The following SLC44A5 variants were observed in gnomAD, a reference collection of about 807,000 sequenced individuals.
SLC44A5 encodes the protein choline transporter-like protein 5.
Under a neutral mutation model 101.8 loss-of-function variants are expected in SLC44A5, and 57 were observed. The observed-to-expected ratio is 0.56, with a 90% CI of 0.45 to 0.70. The LOEUF is 0.70. Among genes scored for constraint, SLC44A5 ranks in the 30% least tolerant of loss-of-function variants. SLC44A5 has a pLI of 0.00. For missense variants in SLC44A5, 737 were observed against 853.1 expected (o/e 0.86, Z 1.70); for synonymous variants, 281 against 290.9 (o/e 0.97, Z 0.35).
intron 4 of SLC44A5, among the ~76,000 whole-genome samples, chr1:75,310,675 C>T (rs907151822): frequency 2.0e-5 from 3 of 152,114 alleles, no homozygotes; most frequent in Non-Finnish European, 4.4e-5. Flanking sequence ...AATTTCAAGT[C>T]AACCCAAATG....
intron 3 of SLC44A5, among the ~76,000 whole-genome samples, chr1:75,370,640 G>T (rs976570655): frequency 1.7e-4 from 26 of 152,162 alleles, no homozygotes; most frequent in African/African-American, 6.0e-4. Flanking sequence ...TATACTGGTT[G>T]TACTCAAAAC....
chr1:75,387,139 C>A (rs1661417474), intron 3 of SLC44A5, among the ~76,000 whole-genome samples: 1 of 152,124 alleles, frequency 6.6e-6, no homozygotes, highest in African/African-American at 2.4e-5. Flanking sequence ...CCATTCAGGA[C>A]ATAGGCTTGT....
chr1:75,493,669 G>A (rs1668534039), intron 2 of SLC44A5, among the ~76,000 whole-genome samples: 1 of 152,054 alleles, frequency 6.6e-6, no homozygotes, highest in African/African-American at 2.4e-5. Flanking sequence ...CTGTCATCAG[G>A]AATAAAGATA....
chr1:75,299,266 T>A (rs1654229444), intron 5 of SLC44A5, among the ~76,000 whole-genome samples: 1 of 152,234 alleles, frequency 6.6e-6, no homozygotes, highest in Non-Finnish European at 1.5e-5. Flanking sequence ...TATTTAGCTT[T>A]GTGATTTATG....
upstream of SLC44A5, among the ~76,000 whole-genome samples, chr1:75,613,554 T>A (rs561297854): frequency 6.6e-6 from 1 of 152,348 alleles, no homozygotes; most frequent in African/African-American, 2.4e-5. Flanking sequence ...AAATACTAAA[T>A]GAACTTGTTT....
intron 2 of SLC44A5, among the ~76,000 whole-genome samples, chr1:75,454,884 G>T (rs557120665): frequency 6.6e-6 from 1 of 151,854 alleles, no homozygotes; most frequent in South Asian, 2.1e-4. Context: ...AAATCATAGA[G>T]ATATGATGCA....
At chr1:75,313,578 G>A (rs916505551) in intron 4 of SLC44A5, among the ~76,000 whole-genome samples, 1 of 152,132 alleles carries the variant, frequency 6.6e-6, no homozygotes, top group African/African-American at 2.4e-5. Context: ...CCTGGATGTG[G>A]ACTGTCCATT....
At chr1:75,297,810 C>A (rs2100850064) in intron 5 of SLC44A5, among the ~76,000 whole-genome samples, 1 of 152,304 alleles carries the variant, frequency 6.6e-6, no homozygotes, top group Admixed American at 6.5e-5. Flanking sequence ...CCAGACGCCA[C>A]TTCATCCACT....
At chr1:75,361,710 T>G (rs1418007756) in intron 3 of SLC44A5, among the ~76,000 whole-genome samples, 2 of 152,154 alleles carry the variant, frequency 1.3e-5, no homozygotes, top group Non-Finnish European at 2.9e-5. Context: ...TTGATCATGA[T>G]GCATAATTGT....
chr1:75,392,895 G>A (rs919009711), intron 3 of SLC44A5, among the ~76,000 whole-genome samples: 1 of 152,142 alleles, frequency 6.6e-6, no homozygotes, highest in Non-Finnish European at 1.5e-5. Context: ...GTTAATTGAT[G>A]CAGAAATAGA....
At chr1:75,680,846 A>G in the SLC44A5 span, among the ~76,000 whole-genome samples, 1 of 151,812 alleles carries the variant, frequency 6.6e-6, no homozygotes, top group Non-Finnish European at 1.5e-5. Context: ...AAGGATCAAC[A>G]AAATTGATAG....
intron 5 of SLC44A5, among the ~76,000 whole-genome samples, chr1:75,283,506 C>T (rs940233959): frequency 1.3e-5 from 2 of 151,770 alleles, no homozygotes; most frequent in African/African-American, 2.4e-5. Context: ...TAGTTAAGTC[C>T]CATCAATTTA....
At chr1:75,497,279 G>T (rs1668726603) in intron 2 of SLC44A5, among the ~76,000 whole-genome samples, 1 of 152,078 alleles carries the variant, frequency 6.6e-6, no homozygotes, top group Non-Finnish European at 1.5e-5. Flanking sequence ...TGCCGTGTGT[G>T]TGTGTGGGTG....
At chr1:75,631,546 T>C in the SLC44A5 span, among the ~76,000 whole-genome samples, 1 of 142,412 alleles carries the variant, frequency 7.0e-6, no homozygotes, top group Non-Finnish European at 1.5e-5. Context: ...CTAATTTTTT[T>C]TTTTTTTTTT....
chr1:75,437,029 A>G (rs1157323225), intron 2 of SLC44A5, among the ~76,000 whole-genome samples: 4 of 152,160 alleles, frequency 2.6e-5, no homozygotes, highest in African/African-American at 9.6e-5. Flanking sequence ...ATCTTCTATG[A>G]TAACAAGGCC....
intron 1 of SLC44A5, among the ~76,000 whole-genome samples, chr1:75,573,700 G>C (rs1261222209): frequency 1.3e-5 from 2 of 151,922 alleles, no homozygotes; most frequent in African/African-American, 4.8e-5. Flanking sequence ...AAACTATGCC[G>C]ATTTATTGTA....
At chr1:75,521,343 A>G (rs1335059619) in intron 2 of SLC44A5, among the ~76,000 whole-genome samples, 1 of 152,210 alleles carries the variant, frequency 6.6e-6, no homozygotes, top group Non-Finnish European at 1.5e-5. Flanking sequence ...TGAAGTGCAG[A>G]CAGCACAGAG....
the SLC44A5 span, among the ~76,000 whole-genome samples, chr1:75,644,570 T>C: frequency 1.3e-5 from 2 of 151,824 alleles, no homozygotes; most frequent in Non-Finnish European, 2.9e-5. Flanking sequence ...CTGATACACC[T>C]GTAACAAAAT....
chr1:75,376,451 A>G (rs1463331467), intron 3 of SLC44A5, among the ~76,000 whole-genome samples: 1 of 152,172 alleles, frequency 6.6e-6, no homozygotes, highest in Non-Finnish European at 1.5e-5. Flanking sequence ...GACAGCTTTG[A>G]AGAGAGCAGT....
Sources: allele counts gnomAD v4.1 joint callset (sites outside exome capture counted in the v4.1 genomes callset), GRCh38; gene constraint gnomAD v4.1.1; transcripts MANE v1.5; gene names NCBI Gene and HGNC (gene_info 2026-07-23, HGNC 2026-07-21).